Variants in SP140L observed in about 807,000 individuals in gnomAD.
SP140L encodes the protein SP140 like nuclear body protein, also known as nuclear body protein SP140-like protein.
A neutral mutation model predicts 84.3 loss-of-function variants in SP140L; 64 were observed. The observed-to-expected ratio is 0.76, with a 90% confidence interval of 0.62 to 0.94. The LOEUF (loss-of-function observed/expected upper bound fraction) is 0.94, where lower values mean the gene tolerates loss of function less well. Ranked by LOEUF, SP140L falls within the 40% of genes least tolerant of loss-of-function variation. The pLI is 0.00. For missense variants in SP140L, 628 were observed against 692.5 expected (o/e 0.91, Z 1.05); for synonymous variants, 242 against 236.9 (o/e 1.02, Z -0.20).
At chr2:230,362,667 A>G (rs1480625268) in intron 5 of SP140L, among the ~76,000 whole-genome samples, 10 of 152,170 alleles carry the variant, frequency 6.6e-5, no homozygotes, top group African/African-American at 2.4e-4. Context: ...CCTGACTGCC[A>G]TGGAGATTTG....
intron 7 of SP140L, among the ~76,000 whole-genome samples, chr2:230,379,416 T>A (rs571630053): frequency 3.9e-4 from 60 of 152,274 alleles, no homozygotes; most frequent in African/African-American, 1.4e-3. Context: ...ACCCCAGAGA[T>A]GACAAGGATC....
At chr2:230,345,811 A>G (rs554524424) in intron 2 of SP140L, among the ~76,000 whole-genome samples, 16 of 152,178 alleles carry the variant, frequency 1.1e-4, no homozygotes, top group Middle Eastern at 3.4e-3. Context: ...TACAATTTAC[A>G]TATTTTTATA....
At chr2:230,392,518 G>C (rs964885432) in intron 12 of SP140L, among the ~76,000 whole-genome samples, 1 of 152,144 alleles carries the variant, frequency 6.6e-6, no homozygotes, top group African/African-American at 2.4e-5. Flanking sequence ...AAAAAGAAGA[G>C]AGTCGATAGT....
At chr2:230,392,034 TCTGAGC>T in intron 11 of SP140L, 47 bp from the exon 12 acceptor site, 1 of 1,608,698 alleles carries the variant, frequency 6.2e-7, no homozygotes, top group South Asian at 1.1e-5. Flanking sequence ...GTGGCCACAG[TCTGAGC>T]GCTGGGAACA....
chr2:230,359,945 TAC>T, intron 4 of SP140L, among the ~76,000 whole-genome samples: 1 of 131,852 alleles, frequency 7.6e-6, no homozygotes, highest in Admixed American at 7.1e-5. Flanking sequence ...ATTGGTGCTA[TAC>T]CAAACTAAAG....
At chr2:230,337,325 A>G (rs906026684) in intron 2 of SP140L, among the ~76,000 whole-genome samples, 2 of 152,122 alleles carry the variant, frequency 1.3e-5, no homozygotes, top group African/African-American at 2.4e-5. Flanking sequence ...TCCTTCGCCC[A>G]CTTTTTGATC....
At chr2:230,342,993 C>A (rs79262101) in intron 2 of SP140L, among the ~76,000 whole-genome samples, 18,251 of 152,022 alleles carry the variant, frequency 0.12, 1,123 homozygotes, top group Middle Eastern at 0.15. Context: ...TTCTTTTTTC[C>A]AAGTGTTTAT....
chr2:230,361,474 T>C lies in SP140L; in HGVS notation c.440-140T>C, dbSNP rs181402581. The C allele has an allele frequency of 1.0e-5, 7 of 678,154 alleles. No homozygotes were observed. The Admixed American group carries it at 1.6e-4, about 16-fold the overall frequency. The allele number at this position is 678,154 out of a possible 1,614,324, so 42.0% of individuals were successfully genotyped here. ...CTCATTGTTGAGGTCATCTCTTCTC[T>C]GTCCCAGAAGATGATAGGAGAAGTT... is the stretch of plus-strand genomic sequence containing the variant. On this transcript the variant is annotated intron_variant, in intron 4 of 18. Coordinates refer to ENST00000415673, the MANE Select transcript of SP140L (RefSeq NM_138402.6).
Position 230,329,461 on chromosome 2 carries a change from C to A in SP140L, c.107+630C>A, listed in dbSNP as rs184912261. On this transcript the variant is annotated intron_variant, in intron 2 of 18. Transcript: ENST00000415673. ...GATATGGTTTGGCTCTGTGTCTCCA[C>A]CCAAATCTCATCTTGAATTGTAATC... Among the ~76,000 whole-genome samples, 363 of 152,282 alleles carry A rather than the reference C, an allele frequency of 2.4e-3. 3 individuals carry two copies. Among genetic ancestry groups the A allele is most frequent in the African/African-American group, 8.4e-3 (350 of 41,554 alleles).
chr2:230,332,316 G>A (rs562496999), intron 2 of SP140L, among the ~76,000 whole-genome samples: 3 of 152,150 alleles, frequency 2.0e-5, no homozygotes, highest in East Asian at 3.9e-4. Context: ...TAGCTCTTTC[G>A]GCCATCTTCC....
rs2062309039 is a variant in SP140L at position 230,400,969 on chromosome 2, G to A, written c.1328G>A (p.Cys443Tyr). The A allele has an allele frequency of 6.5e-7, 1 of 1,532,494 alleles. No individual in the cohort carries two copies. The highest frequency in any genetic ancestry group is 8.9e-7 in the Non-Finnish European group (1 of 1,127,166). 94.9% of individuals were successfully genotyped at this position (1,532,494 alleles called of 1,614,324 possible). A position where few individuals can be genotyped will look rare whatever the true frequency, so the allele number is the denominator to read the frequency against. ...PVESEKTPWN[C>Y]IFCRMKESPG... ...CAATCTCTCAGGACCCCGTGGAATT[G>A]CATCTTCTGCAGGATGAAGGAGTCT... Residue 443 changes from cysteine (C) to tyrosine (Y), a missense_variant, in exon 16 of 19, where the codon TGC becomes TAC. By Grantham distance (194) the Cys-to-Tyr change is radical (BLOSUM62 -2). This residue lies in a region of SP140L where 52 missense variants were observed against 87.0 expected (regional missense o/e 0.60). Transcript: ENST00000415673.
rs1197008867 is a variant in SP140L at position 230,334,545 on chromosome 2, G to T, written c.107+5714G>T. On this transcript the variant is annotated intron_variant, in intron 2 of 18. Transcript: ENST00000415673. ...GAATTCCTGAGATAACACCTACGTG[G>T]TCATGTCACATGATTTTTTCATCCA... Among the ~76,000 whole-genome samples the T allele has an allele frequency of 2.6e-5, 4 of 152,188 alleles. No homozygotes were observed. In the East Asian group the frequency reaches 7.7e-4, roughly 29 times the overall value.
At chr2:230,365,513 A>G (rs55725107) in intron 5 of SP140L, among the ~76,000 whole-genome samples, 24,392 of 151,502 alleles carry the variant, frequency 0.16, 2,463 homozygotes, top group South Asian at 0.23. Context: ...GATATTATTC[A>G]TTTGAGTCTT....
intron 1 of SP140L, among the ~76,000 whole-genome samples, 172 bp from the exon 2 acceptor site, chr2:230,328,585 T>C (rs2059642401): frequency 1.3e-5 from 2 of 152,254 alleles, no homozygotes; most frequent in Non-Finnish European, 2.9e-5. Context: ...ACATTTAGAT[T>C]GTTTTAAATT....
chr2:230,389,985 G>A lies in SP140L; in HGVS notation c.926G>A (p.Gly309Glu), dbSNP rs755915629. The change falls in exon 11 of 19, where the codon GGG becomes GAG. Residue 309 changes from glycine (G) to glutamate (E), a missense_variant. Around this residue, in one of 4 missense-constraint regions of SP140L, gnomAD observed 525 missense variants for 518.4 expected, o/e 1.01. Transcript: ENST00000415673. ...CCTTTACTTCCAGTGACCTGTGGTG[G>A]GGTGAAGGGAATTTTACATAAGGAG... ...QAPLLPVTCG[G>E]VKGILHKEKL... The A allele has an allele frequency of 3.1e-6, 5 of 1,613,686 alleles. No homozygotes were observed. Among genetic ancestry groups the A allele is most frequent in the Admixed American group, 1.7e-5 (1 of 59,966 alleles).
chr2:230,333,315 C>T (rs955553328), intron 2 of SP140L, among the ~76,000 whole-genome samples: 6 of 151,994 alleles, frequency 3.9e-5, no homozygotes, highest in Admixed American at 1.3e-4. Context: ...CCCACCACCA[C>T]GTCTGGCTAA....
At chr2:230,368,079 T>A (rs997194723) in intron 5 of SP140L, among the ~76,000 whole-genome samples, 16 of 152,352 alleles carry the variant, frequency 1.1e-4, no homozygotes, top group Non-Finnish European at 1.5e-4. Context: ...ATTTTGTATT[T>A]TCTTGTGTTT....
At position 230,402,789 on chromosome 2, in the gene SP140L, T is replaced by C. The variant is rs759810405; in HGVS notation, c.1645-9T>C. 1 of 1,608,662 alleles carries C rather than the reference T, an allele frequency of 6.2e-7. No homozygotes were observed. Among genetic ancestry groups the C allele is most frequent in the Non-Finnish European group, 8.5e-7 (1 of 1,176,440 alleles). On this transcript the variant is annotated splice_polypyrimidine_tract_variant and intron_variant, in intron 18 of 18. Transcript: ENST00000415673. The stretch of plus-strand genomic sequence containing the variant: ...GAACATCGTTTTTGTCTTTATTACT[T>C]TTTTCCAGTATAAGGATTTTGGCCA...
intron 18 of SP140L, 112 bp from the exon 19 acceptor site, chr2:230,402,686 A>G: frequency 1.2e-6 from 1 of 802,238 alleles, no homozygotes; most frequent in Non-Finnish European, 2.0e-6. Context: ...TAAATTGTCA[A>G]CTTACAGTTT....
Sources: gnomAD v4.1 joint callset for allele counts (sites outside exome capture counted in the v4.1 genomes callset) on GRCh38, gnomAD v4.1.1 for gene constraint, gnomAD v4.1.1 regional missense constraint, MANE v1.5 for transcripts, NCBI Gene and HGNC (gene_info 2026-07-23, HGNC 2026-07-21) for gene names.